BABAM2: variants seen among roughly 807,000 people sequenced by gnomAD.
The protein encoded by BABAM2 is BRISC and BRCA1 A complex member 2, also known as BRISC and BRCA1-A complex member 2.
In BABAM2, 31 loss-of-function variants were observed where a neutral mutation model predicts 54.7. That is an observed-to-expected ratio of 0.57 (90% confidence interval 0.43 to 0.77). The LOEUF is 0.77. BABAM2 is among the 30% of genes least tolerant of loss of function. The pLI is 0.00. For synonymous variants in BABAM2, 167 were observed against 162.9 expected, an observed-to-expected ratio of 1.03 and a Z score of -0.19; for missense variants, 364 against 455.8, an observed-to-expected ratio of 0.80 and a Z score of 1.83.
intron 7 of BABAM2, among the ~76,000 whole-genome samples, chr2:28,176,859 AAGAAGG>A (rs1337076970): frequency 2.2e-5 from 2 of 92,154 alleles, no homozygotes; most frequent in Non-Finnish European, 6.4e-5. Context: ...AAAAAAAAAG[AAGAAGG>A]AGAAGAAATT....
At chr2:28,007,531 A>T (rs1478025821) in intron 4 of BABAM2, among the ~76,000 whole-genome samples, 2 of 152,066 alleles carry the variant, frequency 1.3e-5, no homozygotes, top group Non-Finnish European at 2.9e-5. Flanking sequence ...AGATTAAAAG[A>T]ATTAGCTACA....
At chr2:28,100,480 A>AAAG (rs1666990588) in intron 6 of BABAM2, among the ~76,000 whole-genome samples, 1 of 151,372 alleles carries the variant, frequency 6.6e-6, no homozygotes, top group Non-Finnish European at 1.5e-5. Flanking sequence ...AAAAAAAAAA[A>AAAG]AAGATGGCTG....
chr2:28,338,180 T>C (rs1287768489), intron 11 of BABAM2, among the ~76,000 whole-genome samples: 1 of 152,194 alleles, frequency 6.6e-6, no homozygotes, highest in Non-Finnish European at 1.5e-5. Context: ...CAGCCGGACC[T>C]AAGTGCAGAT....
chr2:28,187,199 C>G (rs1336823520), intron 7 of BABAM2, among the ~76,000 whole-genome samples: 1 of 152,198 alleles, frequency 6.6e-6, no homozygotes, highest in Non-Finnish European at 1.5e-5. Flanking sequence ...TTTTCTATCT[C>G]TCATGAGCAC....
chr2:28,004,095 G>A (rs1256507387), intron 4 of BABAM2, among the ~76,000 whole-genome samples: 1 of 141,952 alleles, frequency 7.0e-6, no homozygotes, highest in Non-Finnish European at 1.5e-5. Context: ...TTTGAACCTG[G>A]TTCTAATATA....
chr2:27,918,450 T>TTGTG (rs536954467), intron 2 of BABAM2, among the ~76,000 whole-genome samples: 1 of 150,750 alleles, frequency 6.6e-6, no homozygotes, highest in Non-Finnish European at 1.5e-5. Flanking sequence ...TGCCATTCCA[T>TTGTG]TGTGTGTGTG....
intron 7 of BABAM2, among the ~76,000 whole-genome samples, chr2:28,199,579 T>C (rs979196203): frequency 6.6e-6 from 1 of 152,196 alleles, no homozygotes; most frequent in Non-Finnish European, 1.5e-5. Context: ...AACTAGGTAT[T>C]AGCTTAAGGA....
At chr2:28,239,739 A>G (rs1456562934) in intron 8 of BABAM2, among the ~76,000 whole-genome samples, 1 of 152,230 alleles carries the variant, frequency 6.6e-6, no homozygotes, top group Non-Finnish European at 1.5e-5. Context: ...GGATTCAAAA[A>G]TCATCATTTT....
chr2:28,059,747 C>G (rs1270846487), intron 6 of BABAM2, among the ~76,000 whole-genome samples: 3 of 152,172 alleles, frequency 2.0e-5, no homozygotes, highest in Non-Finnish European at 4.4e-5. Flanking sequence ...TGTCATCACT[C>G]TGATAGCCAA....
Position 27,943,136 on chromosome 2 carries a change from C to T in BABAM2, c.205+13228C>T, listed in dbSNP as rs190680058. 2.7e-3 allele frequency among the ~76,000 whole-genome samples: 411 copies of T among 152,248 alleles called. 4 individuals are homozygous for T. Among genetic ancestry groups the T allele is most frequent in the Non-Finnish European group, 8.1e-4 (55 of 68,022 alleles). ...TTGGCCGCTAGGTCCAAAAGCTGGCCGTTGTGACTATAGCTGTTGGCATTT... is the reference window on the plus strand; with the variant it reads ...TTGGCCGCTAGGTCCAAAAGCTGGCTGTTGTGACTATAGCTGTTGGCATTT... On this transcript the variant is annotated intron_variant, in intron 3 of 11. Coordinates refer to ENST00000379624, the MANE Select transcript of BABAM2 (RefSeq NM_199191.3).
intron 7 of BABAM2, among the ~76,000 whole-genome samples, chr2:28,205,998 G>A (rs1678805862): frequency 6.6e-6 from 1 of 152,156 alleles, no homozygotes; most frequent in Non-Finnish European, 1.5e-5. Context: ...GAATTAGGAA[G>A]GCTTTCGTGT....
chr2:28,010,983 G>A (rs1674346788), intron 4 of BABAM2, among the ~76,000 whole-genome samples: 1 of 152,172 alleles, frequency 6.6e-6, no homozygotes, highest in Admixed American at 6.5e-5. Flanking sequence ...GACTGGATAT[G>A]TGTCCAGTGG....
At chr2:28,211,360 TC>T (rs1679431143) in intron 7 of BABAM2, among the ~76,000 whole-genome samples, 1 of 150,950 alleles carries the variant, frequency 6.6e-6, no homozygotes, top group Non-Finnish European at 1.5e-5. Context: ...GTCATACTTA[TC>T]CATGTATAGT....
intron 10 of BABAM2, among the ~76,000 whole-genome samples, chr2:28,280,718 C>G (rs1256461019): frequency 6.6e-6 from 1 of 152,184 alleles, no homozygotes; most frequent in East Asian, 1.9e-4. Context: ...TAAGGTTTTT[C>G]TGAGCTAAGG....
intron 3 of BABAM2, among the ~76,000 whole-genome samples, chr2:27,941,452 A>G (rs1429132137): frequency 2.0e-5 from 3 of 151,894 alleles, no homozygotes; most frequent in African/African-American, 7.3e-5. Flanking sequence ...GCTTCTCAGG[A>G]GGCTCAGTCA....
intron 6 of BABAM2, among the ~76,000 whole-genome samples, chr2:28,102,442 A>T (rs748522003): frequency 1.3e-5 from 2 of 152,176 alleles, no homozygotes; most frequent in East Asian, 1.9e-4. Context: ...GGTGACATAG[A>T]GATCCACTTT....
chr2:27,894,842 T>G (rs557585306), intron 2 of BABAM2, 158 bp downstream of exon 2: 74 of 725,432 alleles, frequency 1.0e-4, no homozygotes, highest in Admixed American at 1.6e-4. Flanking sequence ...GTTCAGTTCT[T>G]GACATTTTAT....
At position 28,040,294 on chromosome 2, in the gene BABAM2, C is replaced by CTTTTTTTTTTT. The variant is rs397735161; in HGVS notation, c.496-5417_496-5407dup. Among the ~76,000 whole-genome samples the CTTTTTTTTTTT allele has an allele frequency of 8.9e-4, 53 of 59,490 alleles. 5 individuals are homozygous for CTTTTTTTTTTT. The highest frequency in any genetic ancestry group is 6.3e-3 in the South Asian group (5 of 796). 39.0% of individuals were successfully genotyped at this position (59,490 alleles called of 152,430 possible). ...CAGTGCCAGAATGAAAAACTGAATT[C>CTTTTTTTTTTT]TTTTTTTTTTTTTTTTTTTTTTTTG... On this transcript the variant is annotated intron_variant, in intron 5 of 11. Transcript: ENST00000379624.
At chr2:28,038,569 T>C (rs1573450216) in intron 5 of BABAM2, among the ~76,000 whole-genome samples, 1 of 152,134 alleles carries the variant, frequency 6.6e-6, no homozygotes, top group African/African-American at 2.4e-5. Flanking sequence ...GTGTCTGTTG[T>C]TCCCATCGTT....
Sources: gnomAD v4.1 joint callset for allele counts (sites outside exome capture counted in the v4.1 genomes callset) on GRCh38, gnomAD v4.1.1 for gene constraint, MANE v1.5 for transcripts, NCBI Gene and HGNC (gene_info 2026-07-23, HGNC 2026-07-21) for gene names.